The following THSD7B variants were observed in gnomAD, a reference collection of about 807,000 sequenced individuals.
The protein encoded by THSD7B is thrombospondin type 1 domain containing 7B.
In THSD7B, 138 loss-of-function variants were observed where a neutral mutation model predicts 213.6. That is an observed-to-expected ratio of 0.65 (90% CI 0.56 to 0.74). The LOEUF (loss-of-function observed/expected upper bound fraction) is 0.74, where lower values mean the gene tolerates loss of function less well. Among genes scored for constraint, THSD7B ranks in the 30% least tolerant of loss-of-function variants. The pLI is 0.00. For missense variants in THSD7B, 1,931 were observed against 1,991.5 expected (o/e 0.97, Z 0.58); for synonymous variants, 742 against 687.0 (o/e 1.08, Z -1.25).
At chr2:137,596,544 C>G (rs956364549) in intron 17 of THSD7B, among the ~76,000 whole-genome samples, 3 of 151,992 alleles carry the variant, frequency 2.0e-5, no homozygotes, top group African/African-American at 7.2e-5. Flanking sequence ...ATATTTATCT[C>G]CATTGAGATA....
At chr2:137,065,474 T>C (rs534017629) in intron 3 of THSD7B, among the ~76,000 whole-genome samples, 1 of 152,204 alleles carries the variant, frequency 6.6e-6, no homozygotes, top group East Asian at 1.9e-4. Context: ...TCCTTTCCAG[T>C]TCGGTTGTCC....
intron 5 of THSD7B, among the ~76,000 whole-genome samples, chr2:137,117,667 A>G (rs924480250): frequency 1.3e-5 from 2 of 152,060 alleles, no homozygotes; most frequent in African/African-American, 4.8e-5. Flanking sequence ...ACAAAACCCC[A>G]TCATCCACTG....
chr2:137,022,227 T>C (rs1197960906), intron 2 of THSD7B, among the ~76,000 whole-genome samples: 1 of 152,230 alleles, frequency 6.6e-6, no homozygotes, highest in African/African-American at 2.4e-5. Context: ...TAGTGCATTG[T>C]ATGATAGCTG....
Position 137,496,442 on chromosome 2 carries a change from G to T in THSD7B, c.3138+45419G>T, listed in dbSNP as rs1679568536. 2.0e-5 allele frequency among the ~76,000 whole-genome samples: 3 copies of T among 152,076 alleles called. No homozygotes were observed. In the South Asian group the frequency reaches 6.2e-4, roughly 32 times the overall value. ...CCAAATTTTGTCCCCTCCCAATAATGGGCCTATTTTCTACCTCTTTGAGTC... is the reference window on the plus strand; with the variant it reads ...CCAAATTTTGTCCCCTCCCAATAATTGGCCTATTTTCTACCTCTTTGAGTC... On this transcript the variant is annotated intron_variant, in intron 15 of 27. Coordinates refer to ENST00000409968, the MANE Select transcript of THSD7B (RefSeq NM_001316349.2).
intron 25 of THSD7B, among the ~76,000 whole-genome samples, chr2:137,661,413 C>T (rs902600829): frequency 1.3e-5 from 2 of 151,934 alleles, no homozygotes; most frequent in Non-Finnish European, 2.9e-5. Context: ...TTCTCTTGAG[C>T]ATGCGTCTTT....
chr2:137,181,913 T>C (rs1680463410), intron 7 of THSD7B, among the ~76,000 whole-genome samples: 2 of 152,174 alleles, frequency 1.3e-5, no homozygotes, highest in South Asian at 4.1e-4. Flanking sequence ...TAAATGATTT[T>C]AATTAATCAA....
intron 1 of THSD7B, among the ~76,000 whole-genome samples, chr2:136,803,240 A>G (rs1686346804): frequency 6.6e-6 from 1 of 152,136 alleles, no homozygotes; most frequent in South Asian, 2.1e-4. Context: ...TAATGTAATG[A>G]ACACTAAACA....
chr2:136,911,970 C>T lies in THSD7B; in HGVS notation c.139+29653C>T, dbSNP rs548478753. On this transcript the variant is annotated intron_variant, in intron 2 of 27. Transcript: ENST00000409968. ...GGATGAATAGCAGGTCTGTGCATTACTGATGGATTGATGGGCTGTTGGATA... is the reference window on the plus strand; with the variant it reads ...GGATGAATAGCAGGTCTGTGCATTATTGATGGATTGATGGGCTGTTGGATA... 2.1e-3 allele frequency among the ~76,000 whole-genome samples: 321 copies of T among 152,118 alleles called. 1 individual carries two copies. The highest frequency in any genetic ancestry group is 6.8e-3 in the Middle Eastern group (2 of 294).
At chr2:137,100,160 A>G (rs1157528119) in intron 4 of THSD7B, among the ~76,000 whole-genome samples, 1 of 152,096 alleles carries the variant, frequency 6.6e-6, no homozygotes, top group African/African-American at 2.4e-5. Flanking sequence ...TTAGATAAAT[A>G]TTGAAGCCAG....
At chr2:137,531,988 G>A (rs10496774) in intron 15 of THSD7B, among the ~76,000 whole-genome samples, 11,111 of 151,978 alleles carry the variant, frequency 0.073, 455 homozygotes, top group African/African-American at 0.089. Context: ...AATATAAACA[G>A]AGAGAGTGTA....
chr2:137,460,443 T>G (rs1015631189), intron 15 of THSD7B, among the ~76,000 whole-genome samples: 2 of 152,136 alleles, frequency 1.3e-5, no homozygotes, highest in Non-Finnish European at 2.9e-5. Context: ...TATATTATAT[T>G]GCCTTTTAGA....
intron 10 of THSD7B, among the ~76,000 whole-genome samples, 193 bp downstream of exon 10, chr2:137,242,765 A>G (rs551629769): frequency 6.6e-6 from 1 of 152,140 alleles, no homozygotes; most frequent in African/African-American, 2.4e-5. Context: ...AAGAGAAAAC[A>G]TATTTTCTTA....
At chr2:136,808,664 C>G (rs557741906) in intron 1 of THSD7B, among the ~76,000 whole-genome samples, 61 of 152,240 alleles carry the variant, frequency 4.0e-4, no homozygotes, top group Non-Finnish European at 6.6e-4. Context: ...GTTCTTGTTA[C>G]TCCACATCCT....
intron 18 of THSD7B, among the ~76,000 whole-genome samples, chr2:137,618,017 A>G (rs1223489039): frequency 6.6e-6 from 1 of 152,184 alleles, no homozygotes; most frequent in Non-Finnish European, 1.5e-5. Context: ...GAGCATAGCA[A>G]CTGGCATCAT....
At chr2:137,394,231 G>T (rs1302731982) in intron 12 of THSD7B, among the ~76,000 whole-genome samples, 7 of 104,656 alleles carry the variant, frequency 6.7e-5, no homozygotes, top group Admixed American at 9.9e-5. Context: ...CATGAAGTCC[G>T]TGCCCATGCC....
intron 7 of THSD7B, among the ~76,000 whole-genome samples, chr2:137,229,789 G>A (rs1351309615): frequency 1.3e-5 from 2 of 152,094 alleles, no homozygotes; most frequent in Non-Finnish European, 2.9e-5. Context: ...GAGATGAGAT[G>A]GATCACACTT....
chr2:137,150,306 AG>A (rs1679791784), intron 5 of THSD7B, among the ~76,000 whole-genome samples: 1 of 151,480 alleles, frequency 6.6e-6, no homozygotes, highest in South Asian at 2.1e-4. Flanking sequence ...GGGAGGGGCC[AG>A]GGGCAGAATG....
intron 2 of THSD7B, among the ~76,000 whole-genome samples, chr2:137,048,811 C>A (rs1294844723): frequency 1.3e-5 from 2 of 152,130 alleles, no homozygotes; most frequent in Admixed American, 1.3e-4. Flanking sequence ...TTTTCAGCCT[C>A]CCTAAAACAT....
At chr2:137,417,608 T>A (rs1686827543) in intron 14 of THSD7B, among the ~76,000 whole-genome samples, 1 of 152,088 alleles carries the variant, frequency 6.6e-6, no homozygotes, top group Admixed American at 6.5e-5. Flanking sequence ...TTATTTTTTA[T>A]TTTTTGTAGA....
Sources: gnomAD v4.1 joint callset for allele counts (sites outside exome capture counted in the v4.1 genomes callset) on GRCh38, gnomAD v4.1.1 for gene constraint, MANE v1.5 for transcripts, NCBI Gene and HGNC (gene_info 2026-07-23, HGNC 2026-07-21) for gene names.